Variants in IFNLR1 observed in about 807,000 individuals in gnomAD.
IFNLR1 encodes CRF2-12.
IFNLR1 carries 28 observed loss-of-function variants against 52.5 expected under a neutral mutation model. That is an observed-to-expected ratio of 0.53 (90% confidence interval 0.40 to 0.73). IFNLR1 has a LOEUF of 0.73. IFNLR1 is among the 30% of genes least tolerant of loss of function. The pLI is 0.00. For synonymous variants in IFNLR1, 276 were observed against 274.9 expected (o/e 1.00, Z -0.04); for missense variants, 623 against 659.1 (o/e 0.95, Z 0.60).
At chr1:24,169,311 G>A in intron 3 of IFNLR1, 106 bp downstream of exon 3, 1 of 1,092,546 alleles carries the variant, frequency 9.2e-7, no homozygotes, top group Non-Finnish European at 1.3e-6. Flanking sequence ...CTCTGCTTTG[G>A]GGAAGTGGGA....
intron 1 of IFNLR1, among the ~76,000 whole-genome samples, chr1:24,182,029 G>A (rs746825695): frequency 6.6e-6 from 1 of 152,030 alleles, no homozygotes; most frequent in Admixed American, 6.6e-5. Context: ...GTGAAACCTC[G>A]TCTCTACTAA....
chr1:24,161,784 C>T (rs1306207810), intron 3 of IFNLR1, 100 bp from the exon 4 acceptor site: 2 of 1,232,244 alleles, frequency 1.6e-6, no homozygotes, highest in Non-Finnish European at 2.2e-6. Context: ...AAGCAACTAG[C>T]ATGTTTCAAA....
intron 3 of IFNLR1, among the ~76,000 whole-genome samples, chr1:24,167,547 G>T (rs1279405941): frequency 6.6e-6 from 1 of 151,622 alleles, no homozygotes; most frequent in Non-Finnish European, 1.5e-5. Context: ...ACCACACACG[G>T]GTAACTTTTG....
At chr1:24,167,397 T>C (rs1343109979) in intron 3 of IFNLR1, among the ~76,000 whole-genome samples, 1 of 152,148 alleles carries the variant, frequency 6.6e-6, no homozygotes, top group Non-Finnish European at 1.5e-5. Context: ...TAAATTTTTT[T>C]TTTTTGAGAC....
Position 24,159,524 on chromosome 1 carries a change from G to A in IFNLR1, c.620C>T (p.Pro207Leu), listed in dbSNP as rs150448715. The change falls in exon 5 of 7, where the codon CCG (proline) becomes CTG (leucine). Residue 207 changes from proline (P) to leucine (L), a missense_variant. Physicochemically the swap from Pro to Leu is moderately conservative, Grantham distance 98. Coordinates refer to ENST00000327535, the MANE Select transcript of IFNLR1 (RefSeq NM_170743.4). Reference protein sequence around the residue: ...SARTIYTFSVPKYSKFSKPTC... With the variant: ...SARTIYTFSVLKYSKFSKPTC... Reference sequence around the variant, plus strand: ...GGGCTTAGAGAACTTGCTGTATTTCGGGACACTGAACGTGTAGATGGTTCT... The same window carrying A: ...GGGCTTAGAGAACTTGCTGTATTTCAGGACACTGAACGTGTAGATGGTTCT... The A allele has an allele frequency of 5.6e-6, 9 of 1,614,076 alleles. No individual in the cohort carries two copies. The highest frequency in any genetic ancestry group is 2.2e-5 in the South Asian group (2 of 91,072).
Position 24,161,588 on chromosome 1 carries a change from T to A in IFNLR1, c.464A>T (p.Asp155Val). 6.4e-7 allele frequency: 1 copy of A among 1,555,682 alleles called. No individual in the cohort carries two copies. The highest frequency in any genetic ancestry group is 8.7e-7 in the Non-Finnish European group (1 of 1,148,514). Residue 155 changes from aspartate (D) to valine (V), a missense_variant, in exon 4 of 7, where the codon GAT becomes GTT. By Grantham distance (152) the Asp-to-Val change is radical. Transcript: ENST00000327535. The stretch of plus-strand genomic sequence containing the variant: ...CCAGAATGCCACCTCATACTTCAGA[T>A]CCAGTGGGGGCATGCAGGGGGGCAG... ...YQLPPCMPPL[D>V]LKYEVAFWKE... is the part of the protein sequence containing the mutation.
intron 3 of IFNLR1, among the ~76,000 whole-genome samples, chr1:24,166,796 G>C (rs552297759): frequency 6.6e-6 from 1 of 151,452 alleles, no homozygotes; most frequent in African/African-American, 2.4e-5. Flanking sequence ...CAAGTGATCT[G>C]CCTACCTCAT....
At chr1:24,184,507 CT>C (rs1380200463) in intron 1 of IFNLR1, among the ~76,000 whole-genome samples, 2 of 152,162 alleles carry the variant, frequency 1.3e-5, no homozygotes, top group Non-Finnish European at 2.9e-5. Flanking sequence ...TTGCTGCTCT[CT>C]CCCCAACAGC....
In IFNLR1 at chr1:24,157,835, G is replaced by A. The variant is rs573297615; in HGVS notation, c.858C>T (p.Ser286=). Residue 286 remains serine, a synonymous_variant, in exon 7 of 7, where the codon TCC becomes TCT. Transcript: ENST00000327535. The surrounding 1 kb of genome is among the most constrained non-coding windows in gnomAD (Gnocchi z 5.1). ...VATFQPSRPE[S]VNDLFLCPQK... ...GGGGACAGAGGAACAAGTCATTCAC[G>A]GACTCTGGTCTGCTGGGCTGAAAGG... 27 of 1,613,204 alleles carry A rather than the reference G, an allele frequency of 1.7e-5. No individual in the cohort carries two copies. The highest frequency in any genetic ancestry group is 1.5e-4 in the South Asian group (14 of 90,898).
At chr1:24,176,389 T>A (rs1297084838) in intron 2 of IFNLR1, among the ~76,000 whole-genome samples, 1 of 152,246 alleles carries the variant, frequency 6.6e-6, no homozygotes, top group African/African-American at 2.4e-5. Flanking sequence ...GAGAACGTCT[T>A]ACATCTTGAT....
chr1:24,181,724 G>C (rs971669875), intron 1 of IFNLR1, among the ~76,000 whole-genome samples: 4 of 152,136 alleles, frequency 2.6e-5, no homozygotes, highest in Non-Finnish European at 4.4e-5. Context: ...GCCCAGGCCT[G>C]GTTTTCCCTG....
intron 2 of IFNLR1, among the ~76,000 whole-genome samples, chr1:24,172,345 G>GA (rs1644589592): frequency 6.6e-6 from 1 of 152,008 alleles, no homozygotes; most frequent in South Asian, 2.1e-4. Context: ...ACATATCCAT[G>GA]AACAGATCAA....
chr1:24,187,213 CAGG>C lies in IFNLR1; in HGVS notation c.33_35del (p.Leu12del). ...TACCTGGAGCGGCCTGCAGCAGGCA[CAGG>C]AGCAGGGGGCCCCAGCGCTCGGGCC... On this transcript the variant is annotated inframe_deletion, in exon 1 of 7. Transcript: ENST00000327535. The C allele has an allele frequency of 7.6e-7, 1 of 1,319,172 alleles. No homozygotes were observed. Among genetic ancestry groups the C allele is most frequent in the Non-Finnish European group, 9.7e-7 (1 of 1,034,620 alleles). The allele number at this position is 1,319,172 out of a possible 1,614,324, so 81.7% of individuals were successfully genotyped here. A position where few individuals can be genotyped will look rare whatever the true frequency, so the allele number is the denominator to read the frequency against.
intron 4 of IFNLR1, among the ~76,000 whole-genome samples, chr1:24,160,418 C>G (rs886073397): frequency 3.3e-5 from 5 of 152,204 alleles, no homozygotes; most frequent in Admixed American, 6.5e-5. Flanking sequence ...TGAAATGATA[C>G]CATTCAATTG....
rs1644418331 is a variant in IFNLR1, at chr1:24,159,542, A to G, written c.602T>C (p.Ile201Thr). 6.2e-7 allele frequency: 1 copy of G among 1,613,924 alleles called. No individual in the cohort carries two copies. Among genetic ancestry groups the G allele is most frequent in the Non-Finnish European group, 8.5e-7 (1 of 1,180,016 alleles). ...SEHHCLSARTIYTFSVPKYSK... is the reference protein window; with the variant it reads ...SEHHCLSARTTYTFSVPKYSK... The stretch of plus-strand genomic sequence containing the variant: ...GTATTTCGGGACACTGAACGTGTAG[A>G]TGGTTCTGGCACTGAGGCAGTGGTG... Residue 201 changes from isoleucine to threonine, a missense_variant, in exon 5 of 7, where the codon ATC (isoleucine) becomes ACC (threonine). Ile to Thr is a moderately conservative substitution (Grantham distance 89, BLOSUM62 -1). Coordinates refer to ENST00000327535, the MANE Select transcript of IFNLR1 (RefSeq NM_170743.4).
At chr1:24,186,434 G>A (rs1343313608) in intron 1 of IFNLR1, among the ~76,000 whole-genome samples, 1 of 152,100 alleles carries the variant, frequency 6.6e-6, no homozygotes, top group Non-Finnish European at 1.5e-5. Flanking sequence ...TGCGGTGCCT[G>A]GCACAAAGAA....
rs201444954 is a variant in IFNLR1 at position 24,157,875 on chromosome 1, G to A, written c.818C>T (p.Thr273Ile). 8.9e-5 allele frequency: 141 copies of A among 1,588,882 alleles called. No homozygotes were observed. Among genetic ancestry groups the A allele is most frequent in the Non-Finnish European group, 1.1e-4 (128 of 1,169,514 alleles). ...GGGCTGAAAGGTTGCCACAGGGTGT[G>A]TGTGTCCAGAAAAGTCCTGATTTGG... ...MPRALDFSGHTHPVATFQPSR... is the reference protein window; with the variant it reads ...MPRALDFSGHIHPVATFQPSR... The change falls in exon 7 of 7, where the codon ACA (threonine) becomes ATA (isoleucine). Residue 273 changes from threonine (T) to isoleucine (I), a missense_variant. Coordinates refer to ENST00000327535, the MANE Select transcript of IFNLR1 (RefSeq NM_170743.4). This position sits in a 1 kb window ranked among gnomAD's most constrained non-coding sequence, Gnocchi z 5.1.
Position 24,156,781 on chromosome 1 carries a change from T to A in IFNLR1, c.*349A>T. On this transcript the variant is annotated 3_prime_UTR_variant, in exon 7 of 7. Transcript: ENST00000327535. Reference sequence around the variant, plus strand: ...GCCCCTTGGTGGTGTCCGCCCTTGATGTCCGCAGTGACCTGACCTCACCTG... The same window carrying A: ...GCCCCTTGGTGGTGTCCGCCCTTGAAGTCCGCAGTGACCTGACCTCACCTG... The A allele has an allele frequency of 3.9e-6, 1 of 257,566 alleles. No individual in the cohort carries two copies. The highest frequency in any genetic ancestry group is 7.3e-6 in the Non-Finnish European group (1 of 136,650). The allele number at this position is 257,566 out of a possible 1,614,324, so 16.0% of individuals were successfully genotyped here. A position where few individuals can be genotyped will look rare whatever the true frequency, so the allele number is the denominator to read the frequency against.
At position 24,161,699 on chromosome 1, in the gene IFNLR1, C is replaced by A. The variant is rs1175761869; in HGVS notation, c.368-15G>T. On this transcript the variant is annotated splice_polypyrimidine_tract_variant and intron_variant, in intron 3 of 6. Coordinates refer to ENST00000327535, the MANE Select transcript of IFNLR1 (RefSeq NM_170743.4). ...GGCCGGCTCCACTGCAGAAACAGAG[C>A]AGGACCTGTCAGTAATCCCGAGGGG... 2.0e-6 allele frequency: 3 copies of A among 1,468,276 alleles called. No homozygotes were observed. The highest frequency in any genetic ancestry group is 2.7e-6 in the Non-Finnish European group (3 of 1,104,454). The allele number at this position is 1,468,276 out of a possible 1,614,324, so 91.0% of individuals were successfully genotyped here.
Sources: gnomAD v4.1 joint callset for allele counts (sites outside exome capture counted in the v4.1 genomes callset) on GRCh38, gnomAD v4.1.1 for gene constraint, Gnocchi (gnomAD v3.1) non-coding constraint, MANE v1.5 for transcripts, NCBI Gene and HGNC (gene_info 2026-07-23, HGNC 2026-07-21) for gene names.